Variants in CPE observed in about 807,000 individuals in gnomAD.
CPE encodes carboxypeptidase E.
CPE carries 17 observed loss-of-function variants against 53.5 expected under a neutral mutation model. The ratio of observed to expected loss-of-function variants is 0.32; its 90% confidence interval spans 0.22 to 0.48. The LOEUF is 0.48. Among genes scored for constraint, CPE ranks in the 20% least tolerant of loss-of-function variants. The pLI is 0.99. For synonymous variants in CPE, 226 were observed against 228.8 expected, an observed-to-expected ratio of 0.99 and a Z score of 0.11; for missense variants, 524 against 614.7, an observed-to-expected ratio of 0.85 and a Z score of 1.56.
chr4:165,495,816 G>A (rs1356354092), intron 8 of CPE, 139 bp downstream of exon 8: 1 of 479,530 alleles, frequency 2.1e-6, no homozygotes, highest in Non-Finnish European at 3.6e-6. Flanking sequence ...CTTAACAGAT[G>A]AGAAAACTGA....
intron 1 of CPE, among the ~76,000 whole-genome samples, chr4:165,380,159 A>G (rs1485473580): frequency 2.0e-5 from 3 of 152,132 alleles, no homozygotes; most frequent in Non-Finnish European, 4.4e-5. Context: ...GATATTGCCA[A>G]TCTGGGGTGG....
At chr4:165,477,529 C>T (rs1415128995) in intron 3 of CPE, among the ~76,000 whole-genome samples, 1 of 152,096 alleles carries the variant, frequency 6.6e-6, no homozygotes, top group Non-Finnish European at 1.5e-5. Flanking sequence ...CAGCTTGGTA[C>T]AAAATATATA....
intron 1 of CPE, among the ~76,000 whole-genome samples, chr4:165,445,307 C>T (rs1270273692): frequency 1.3e-5 from 2 of 151,284 alleles, no homozygotes; most frequent in Admixed American, 6.6e-5. Flanking sequence ...TTCTTTTAGG[C>T]ACAGCAGAAT....
At chr4:165,465,896 CTAAT>C (rs1287760419) in intron 2 of CPE, among the ~76,000 whole-genome samples, 2 of 152,082 alleles carry the variant, frequency 1.3e-5, no homozygotes, top group Admixed American at 6.5e-5. Context: ...TTACTTAAAT[CTAAT>C]TATAGAATGA....
At chr4:165,454,765 CTT>C (rs1291019097) in intron 1 of CPE, among the ~76,000 whole-genome samples, 1 of 152,208 alleles carries the variant, frequency 6.6e-6, no homozygotes, top group East Asian at 1.9e-4. Flanking sequence ...ACAGTTTTCT[CTT>C]TGTTCCAGAG....
chr4:165,404,820 T>C (rs1730926878), intron 1 of CPE: 2 of 768,410 alleles, frequency 2.6e-6, no homozygotes, highest in Admixed American at 3.4e-5. Context: ...TTCTTGGTTG[T>C]GATCATCTCC....
chr4:165,432,471 AT>A (rs1459375497), intron 1 of CPE, among the ~76,000 whole-genome samples: 1 of 151,384 alleles, frequency 6.6e-6, no homozygotes, highest in Non-Finnish European at 1.5e-5. Context: ...AAGTTTTTTA[AT>A]TTTTTTGTAG....
intron 1 of CPE, among the ~76,000 whole-genome samples, chr4:165,387,234 A>C (rs1419529255): frequency 6.6e-6 from 1 of 152,200 alleles, no homozygotes; most frequent in African/African-American, 2.4e-5. Flanking sequence ...TAATCTTTGA[A>C]GGGTAGGGTG....
intron 1 of CPE, among the ~76,000 whole-genome samples, chr4:165,407,859 C>CTTT (rs35254759): frequency 6.9e-6 from 1 of 144,752 alleles, no homozygotes. Flanking sequence ...CCCGACCCAA[C>CTTT]TTTTTTTTTT....
chr4:165,487,394 G>C, intron 5 of CPE, 44 bp from the exon 6 acceptor site: 1 of 1,610,122 alleles, frequency 6.2e-7, no homozygotes, highest in Non-Finnish European at 8.5e-7. Flanking sequence ...TAGAGTTTTA[G>C]GCTCCTTGTG....
intron 1 of CPE, among the ~76,000 whole-genome samples, chr4:165,394,319 C>T (rs1560868375): frequency 6.6e-6 from 1 of 152,170 alleles, no homozygotes; most frequent in Non-Finnish European, 1.5e-5. Context: ...TAGCAAAGAT[C>T]AGATACCTAC....
chr4:165,379,648 G>T lies in CPE; in HGVS notation c.307+120G>T. On this transcript the variant is annotated intron_variant, in intron 1 of 8. Coordinates refer to ENST00000402744, the MANE Select transcript of CPE (RefSeq NM_001873.4). The surrounding 1 kb of genome is among the most constrained non-coding windows in gnomAD (Gnocchi z 6.0). The stretch of plus-strand genomic sequence containing the variant: ...GCCCAGGGGTGCCTCTTGGTAAAAG[G>T]TATCTAAGGTGGAAGGTGGGAAGTG... The T allele has an allele frequency of 1.0e-6, 1 of 1,002,114 alleles. No homozygotes were observed. Among genetic ancestry groups the T allele is most frequent in the East Asian group, 2.8e-5 (1 of 35,488 alleles). The allele number at this position is 1,002,114 out of a possible 1,614,324, so 62.1% of individuals were successfully genotyped here. A position where few individuals can be genotyped will look rare whatever the true frequency, so the allele number is the denominator to read the frequency against.
intron 7 of CPE, 89 bp downstream of exon 7, chr4:165,493,359 G>A (rs529418873): frequency 1.4e-5 from 13 of 931,380 alleles, no homozygotes; most frequent in Admixed American, 2.3e-5. Flanking sequence ...GTTCTTCTAA[G>A]CAAAACAAAT....
intron 1 of CPE, among the ~76,000 whole-genome samples, chr4:165,399,105 T>C (rs1316347246): frequency 6.6e-6 from 1 of 152,214 alleles, no homozygotes; most frequent in Non-Finnish European, 1.5e-5. Flanking sequence ...AATCTTGATG[T>C]GCCTAAAAAT....
intron 1 of CPE, among the ~76,000 whole-genome samples, chr4:165,463,595 G>A (rs1472554225): frequency 1.3e-5 from 2 of 152,164 alleles, no homozygotes; most frequent in South Asian, 2.1e-4. Context: ...AAACATAGAC[G>A]TTTAAGTAAA....
rs1253045700 is a variant in CPE at position 165,379,139 on chromosome 4, G to A, written c.-83G>A. On this transcript the variant is annotated 5_prime_UTR_variant, in exon 1 of 9. Transcript: ENST00000402744. This position sits in a 1 kb window ranked among gnomAD's most constrained non-coding sequence, Gnocchi z 6.0. ...TGCGGAACTTGCCGCCCCCAGCAGC[G>A]CCGGCGGGCTAAGCCCAGGGCCGGG... The A allele has an allele frequency of 4.3e-6, 5 of 1,153,968 alleles. No homozygotes were observed. The allele number at this position is 1,153,968 out of a possible 1,614,324, so 71.5% of individuals were successfully genotyped here.
intron 1 of CPE, among the ~76,000 whole-genome samples, chr4:165,449,792 T>A (rs1731777464): frequency 1.3e-5 from 2 of 152,116 alleles, no homozygotes; most frequent in African/African-American, 4.8e-5. Context: ...TTTTTCTGAG[T>A]TGTTAAGCAG....
intron 3 of CPE, among the ~76,000 whole-genome samples, chr4:165,478,338 G>C (rs1056133750): frequency 2.6e-5 from 4 of 152,136 alleles, no homozygotes; most frequent in Non-Finnish European, 5.9e-5. Flanking sequence ...CAGACTAAAA[G>C]ATTCTGTTAA....
At chr4:165,435,989 C>G (rs1579260593) in intron 1 of CPE, among the ~76,000 whole-genome samples, 3 of 152,102 alleles carry the variant, frequency 2.0e-5, no homozygotes, top group South Asian at 2.1e-4. Flanking sequence ...TTTCTTGGTT[C>G]TCTTCCTACC....
Sources: gnomAD v4.1 joint callset for allele counts (sites outside exome capture counted in the v4.1 genomes callset) on GRCh38, gnomAD v4.1.1 for gene constraint, Gnocchi (gnomAD v3.1) non-coding constraint, MANE v1.5 for transcripts, NCBI Gene and HGNC (gene_info 2026-07-23, HGNC 2026-07-21) for gene names.